TRIM2: variants seen among roughly 807,000 people sequenced by gnomAD.
The protein encoded by TRIM2 is tripartite motif containing 2.
Under a neutral mutation model 75.2 loss-of-function variants are expected in TRIM2, and 20 were observed. The observed-to-expected ratio is 0.27, with a 90% CI of 0.19 to 0.39. The LOEUF (loss-of-function observed/expected upper bound fraction) is 0.39, where lower values mean the gene tolerates loss of function less well. Among genes scored for constraint, TRIM2 ranks in the 10% least tolerant of loss-of-function variants. The pLI, the probability that TRIM2 is intolerant of heterozygous loss-of-function variation, is 1.00. For missense variants in TRIM2, 660 were observed against 990.8 expected (o/e 0.67, Z 4.48); for synonymous variants, 373 against 388.3 (o/e 0.96, Z 0.46).
At chr4:153,231,611 A>T (rs1408630176) in intron 1 of TRIM2, among the ~76,000 whole-genome samples, 1 of 152,082 alleles carries the variant, frequency 6.6e-6, no homozygotes, top group African/African-American at 2.4e-5. Flanking sequence ...ATCAAAGAGG[A>T]TCTTCAGTGC....
intron 1 of TRIM2, among the ~76,000 whole-genome samples, chr4:153,254,596 T>G (rs913438742): frequency 1.3e-5 from 2 of 152,182 alleles, no homozygotes; most frequent in Non-Finnish European, 2.9e-5. Flanking sequence ...CCTACCTGTT[T>G]TCAGGAAGTG....
intron 1 of TRIM2, among the ~76,000 whole-genome samples, chr4:153,182,340 C>T (rs2149638916): frequency 6.6e-6 from 1 of 152,244 alleles, no homozygotes; most frequent in Admixed American, 6.5e-5. Flanking sequence ...ATGTAATTGC[C>T]CACAAATGGG....
intron 1 of TRIM2, among the ~76,000 whole-genome samples, chr4:153,205,523 A>G (rs369254814): frequency 6.6e-6 from 1 of 152,204 alleles, no homozygotes; most frequent in Non-Finnish European, 1.5e-5. Flanking sequence ...GCTGAAAAAA[A>G]GAATCACCTA....
chr4:153,212,614 C>T (rs926151035), intron 1 of TRIM2, among the ~76,000 whole-genome samples: 1 of 152,070 alleles, frequency 6.6e-6, no homozygotes, highest in Admixed American at 6.6e-5. Flanking sequence ...TGTGATTGCA[C>T]CACTGCAGTC....
chr4:153,254,099 G>A (rs1751496855), intron 1 of TRIM2, among the ~76,000 whole-genome samples: 1 of 152,166 alleles, frequency 6.6e-6, no homozygotes, highest in Non-Finnish European at 1.5e-5. Context: ...AGGACAGAAG[G>A]TGGAAAATAA....
intron 1 of TRIM2, among the ~76,000 whole-genome samples, chr4:153,206,717 G>A (rs1735549879): frequency 6.6e-6 from 1 of 152,136 alleles, no homozygotes; most frequent in Admixed American, 6.5e-5. Context: ...TGTATGGGTG[G>A]AGTAGGGAGA....
chr4:153,239,244 C>T (rs576750934), intron 1 of TRIM2, among the ~76,000 whole-genome samples: 43 of 151,262 alleles, frequency 2.8e-4, no homozygotes, highest in African/African-American at 9.7e-4. Context: ...CCCAGCTACT[C>T]GGGAGGCTGA....
intron 3 of TRIM2, among the ~76,000 whole-genome samples, chr4:153,288,214 A>T (rs915514327): frequency 6.6e-6 from 1 of 152,148 alleles, no homozygotes; most frequent in African/African-American, 2.4e-5. Flanking sequence ...AGGCAGGCGG[A>T]TCACCTGAGG....
At chr4:153,217,843 C>G (rs866038256) in intron 1 of TRIM2, among the ~76,000 whole-genome samples, 22 of 152,068 alleles carry the variant, frequency 1.4e-4, no homozygotes, top group African/African-American at 5.3e-4. Flanking sequence ...AGATTTTCTC[C>G]AAGTTCTCCA....
intron 1 of TRIM2, among the ~76,000 whole-genome samples, chr4:153,188,298 A>G (rs1170365606): frequency 6.6e-6 from 1 of 152,138 alleles, no homozygotes; most frequent in Non-Finnish European, 1.5e-5. Flanking sequence ...CTTCTCTACA[A>G]AAAATACAGA....
At position 153,337,845 on chromosome 4, in the gene TRIM2, T is replaced by C; in HGVS notation, c.*2879T>C. 1 of 985,730 alleles carries C rather than the reference T, an allele frequency of 1.0e-6. No homozygotes were observed. The highest frequency in any genetic ancestry group is 1.2e-6 in the Non-Finnish European group (1 of 829,924). The allele number at this position is 985,730 out of a possible 1,614,324, so 61.1% of individuals were successfully genotyped here. On this transcript the variant is annotated 3_prime_UTR_variant, in exon 12 of 12. Coordinates refer to ENST00000338700, the MANE Select transcript of TRIM2 (RefSeq NM_015271.5). ...TTTCCCCTGGGCACGTAAGGCAAAATATTGCCGGTTGGGATTTCAAGGTCA... is the reference window on the plus strand; with the variant it reads ...TTTCCCCTGGGCACGTAAGGCAAAACATTGCCGGTTGGGATTTCAAGGTCA...
chr4:153,219,144 T>C (rs73854605), intron 1 of TRIM2, among the ~76,000 whole-genome samples: 122 of 152,308 alleles, frequency 8.0e-4, no homozygotes, highest in African/African-American at 2.8e-3. Flanking sequence ...TCAGTAAACA[T>C]TGGTTGATCT....
chr4:153,157,596 A>T (rs577499978), intron 1 of TRIM2, among the ~76,000 whole-genome samples: 4 of 152,288 alleles, frequency 2.6e-5, no homozygotes, highest in African/African-American at 9.6e-5. Flanking sequence ...ACCCTGGCAT[A>T]ATCTCTCTCC....
chr4:153,182,385 GTC>G lies in TRIM2; in HGVS notation c.-49+29118_-49+29119del, dbSNP rs543548207. On this transcript the variant is annotated intron_variant, in intron 1 of 11. Transcript: ENST00000437508. Reference sequence around the variant, plus strand: ...AAAAGAGTCCTGAGAGGTGTGTGGTGTCTCAGCTGAACACCACCGTAGAGTCC... The same window carrying G: ...AAAAGAGTCCTGAGAGGTGTGTGGTGTCAGCTGAACACCACCGTAGAGTCC... Among the ~76,000 whole-genome samples the G allele has an allele frequency of 1.0e-3, 152 of 152,264 alleles. 1 individual carries two copies. The highest frequency in any genetic ancestry group is 3.4e-3 in the African/African-American group (143 of 41,550).
At chr4:153,196,272 C>A (rs369385411) in intron 1 of TRIM2, among the ~76,000 whole-genome samples, 9 of 132,966 alleles carry the variant, frequency 6.8e-5, no homozygotes, top group Non-Finnish European at 1.2e-4. Context: ...CACCCCCCCC[C>A]ACACACACAC....
chr4:153,287,212 T>C (rs989713121), intron 3 of TRIM2, among the ~76,000 whole-genome samples: 2 of 152,164 alleles, frequency 1.3e-5, no homozygotes, highest in Non-Finnish European at 2.9e-5. Context: ...CCTCCTGGAC[T>C]CAAGCAATCC....
chr4:153,331,022 C>T (rs578024056), intron 11 of TRIM2, among the ~76,000 whole-genome samples: 1 of 152,282 alleles, frequency 6.6e-6, no homozygotes, highest in South Asian at 2.1e-4. Context: ...ATAAGATCAA[C>T]ATACAAAAAT....
intron 3 of TRIM2, among the ~76,000 whole-genome samples, chr4:153,285,593 G>A (rs1038500733): frequency 4.6e-5 from 7 of 152,122 alleles, no homozygotes; most frequent in African/African-American, 1.4e-4. Flanking sequence ...AAAGTCCTGG[G>A]ATTACAGGCA....
upstream of TRIM2, among the ~76,000 whole-genome samples, chr4:153,200,852 A>G (rs1244191640): frequency 1.4e-5 from 2 of 147,138 alleles, no homozygotes; most frequent in African/African-American, 2.5e-5. Flanking sequence ...GGGTCTCACC[A>G]TGTTCCCCAG....
Sources: gnomAD v4.1 joint callset for allele counts (sites outside exome capture counted in the v4.1 genomes callset) on GRCh38, gnomAD v4.1.1 for gene constraint, MANE v1.5 for transcripts, NCBI Gene and HGNC (gene_info 2026-07-23, HGNC 2026-07-21) for gene names.